Variants in LRP1B observed in about 807,000 individuals in gnomAD.
LRP1B encodes the protein low-density lipoprotein receptor-related protein 1B.
LRP1B carries 217 observed loss-of-function variants against 556.6 expected under a neutral mutation model. The ratio of observed to expected loss-of-function variants is 0.39; its 90% confidence interval spans 0.35 to 0.44. The LOEUF (loss-of-function observed/expected upper bound fraction) is 0.44. LRP1B is among the 20% of genes least tolerant of loss of function. The pLI, the probability that LRP1B is intolerant of heterozygous loss-of-function variation, is 1.00. For synonymous variants in LRP1B, 2,047 were observed against 1,865.8 expected (o/e 1.10, Z -2.50); for missense variants, 5,053 against 5,620.8 (o/e 0.90, Z 3.23).
rs555665147 is a variant in LRP1B at position 141,872,117 on chromosome 2, C to A, written c.83-61716G>T. Among the ~76,000 whole-genome samples the A allele has an allele frequency of 1.1e-4, 16 of 151,866 alleles. No individual in the cohort carries two copies. The South Asian group carries it at 3.3e-3, about 32-fold the overall frequency. Reference sequence around the variant, plus strand: ...CCTAAAGAGAGAGCTTGGAAGGACACAAGACTAGAAGTCTTGAGGCATTCC... The same window carrying A: ...CCTAAAGAGAGAGCTTGGAAGGACAAAAGACTAGAAGTCTTGAGGCATTCC... On this transcript the variant is annotated intron_variant, in intron 1 of 90. Coordinates refer to ENST00000389484, the MANE Select transcript of LRP1B (RefSeq NM_018557.3).
chr2:140,639,965 C>T (rs1403953059), intron 41 of LRP1B, among the ~76,000 whole-genome samples: 1 of 152,064 alleles, frequency 6.6e-6, no homozygotes, highest in African/African-American at 2.4e-5. Flanking sequence ...TTCCTTAAAC[C>T]CTAGAGTTTT....
At chr2:140,321,855 A>G (rs1394535967) in intron 82 of LRP1B, 108 bp downstream of exon 82, 1 of 1,071,696 alleles carries the variant, frequency 9.3e-7, no homozygotes, top group East Asian at 2.4e-5. Context: ...ACTGCTATCA[A>G]GGTAGCTAAA....
rs764158485 is a variant in LRP1B at position 140,541,788 on chromosome 2, T to A, written c.7378A>T (p.Thr2460Ser). The part of the protein sequence containing the change: ...PMGIIAVAND[T>S]NSCELSPCAL... ...TTCTATTATAACTTACAGCTATTGG[T>A]GTCATTGGCAACAGCTATGATTCCC... is the stretch of plus-strand genomic sequence containing the variant. Residue 2460 changes from threonine (T) to serine (S), a missense_variant, in exon 44 of 91, where the codon ACC becomes TCC. Physicochemically the swap from Thr to Ser is moderately conservative, Grantham distance 58. Transcript: ENST00000389484. 9 of 1,610,194 alleles carry A rather than the reference T, an allele frequency of 5.6e-6. No homozygotes were observed. The South Asian group carries it at 9.9e-5, about 18-fold the overall frequency.
chr2:140,378,477 T>A (rs1222204744), intron 67 of LRP1B, among the ~76,000 whole-genome samples, 191 bp from the exon 68 acceptor site: 1 of 152,208 alleles, frequency 6.6e-6, no homozygotes, highest in Non-Finnish European at 1.5e-5. Context: ...AATTTATTTT[T>A]AAAGTCATAA....
intron 2 of LRP1B, among the ~76,000 whole-genome samples, chr2:141,571,603 G>T (rs1011986362): frequency 1.3e-5 from 2 of 152,102 alleles, no homozygotes; most frequent in African/African-American, 2.4e-5. Context: ...ACAGAAGAAG[G>T]CTTCAGAATA....
chr2:140,993,168 C>T (rs1472837594), intron 16 of LRP1B, among the ~76,000 whole-genome samples: 1 of 151,394 alleles, frequency 6.6e-6, no homozygotes, highest in Non-Finnish European at 1.5e-5. Flanking sequence ...TTAGTTCAGA[C>T]CTAAAAAAGG....
At chr2:140,404,168 C>CTTTTTTT (rs68017900) in intron 66 of LRP1B, among the ~76,000 whole-genome samples, 11 of 92,446 alleles carry the variant, frequency 1.2e-4, no homozygotes, top group Non-Finnish European at 1.4e-4. Flanking sequence ...AATAGAACTT[C>CTTTTTTT]TTTTTTTTTT....
chr2:141,618,725 G>A (rs999745602), intron 2 of LRP1B, among the ~76,000 whole-genome samples: 2 of 152,134 alleles, frequency 1.3e-5, no homozygotes, highest in Admixed American at 6.5e-5. Flanking sequence ...GGTGTGTTGA[G>A]CTTACCTGAT....
chr2:140,718,380 T>G (rs141914366), intron 35 of LRP1B, among the ~76,000 whole-genome samples: 2,149 of 152,130 alleles, frequency 0.014, 24 homozygotes, highest in Middle Eastern at 0.037. Context: ...AAGCATTTTT[T>G]GTTCACTTTT....
chr2:140,622,100 AG>A (rs1683479680), intron 41 of LRP1B, among the ~76,000 whole-genome samples: 2 of 152,216 alleles, frequency 1.3e-5, no homozygotes, highest in South Asian at 4.1e-4. Flanking sequence ...TTTGGTGTAA[AG>A]CATCACTACC....
At chr2:142,008,419 T>G (rs1262513038) in intron 1 of LRP1B, among the ~76,000 whole-genome samples, 1 of 152,178 alleles carries the variant, frequency 6.6e-6, no homozygotes, top group Non-Finnish European at 1.5e-5. Flanking sequence ...CGGATTCAAA[T>G]GCAGCCTTAC....
chr2:141,415,102 C>T (rs1438383516), intron 3 of LRP1B, among the ~76,000 whole-genome samples: 1 of 152,198 alleles, frequency 6.6e-6, no homozygotes, highest in Non-Finnish European at 1.5e-5. Context: ...GCAAACTCCG[C>T]CTCCCGGGTT....
chr2:141,152,268 G>A (rs775899522), intron 7 of LRP1B, among the ~76,000 whole-genome samples: 10 of 151,976 alleles, frequency 6.6e-5, no homozygotes, highest in African/African-American at 9.7e-5. Context: ...GAATTGTAGT[G>A]AGAATGTTTG....
intron 66 of LRP1B, among the ~76,000 whole-genome samples, chr2:140,417,146 A>T (rs1024650447): frequency 2.0e-5 from 3 of 152,238 alleles, no homozygotes; most frequent in African/African-American, 7.2e-5. Context: ...TCAAAAGAAA[A>T]ATAAAAAATG....
chr2:141,750,844 CA>C (rs1694081316), intron 2 of LRP1B, among the ~76,000 whole-genome samples: 1 of 151,888 alleles, frequency 6.6e-6, no homozygotes, highest in African/African-American at 2.4e-5. Context: ...ATTAGAAAGA[CA>C]GAATTCATGG....
At chr2:142,054,931 T>C in intron 1 of LRP1B, among the ~76,000 whole-genome samples, 1 of 152,176 alleles carries the variant, frequency 6.6e-6, no homozygotes, top group Middle Eastern at 3.2e-3. Context: ...AAACACTATG[T>C]TTCACATCAG....
rs1687154231 is a variant in LRP1B at position 140,457,587 on chromosome 2, A to G, written c.9690T>C (p.Thr3230=). 7 of 1,613,758 alleles carry G rather than the reference A, an allele frequency of 4.3e-6. No individual in the cohort carries two copies. The South Asian group carries it at 7.7e-5, about 18-fold the overall frequency. ...LTLFEDYIYW[T]DGKTKSLSRA... Reference sequence around the variant, plus strand: ...GGCTGAGTGACTTGGTTTTCCCATCAGTCCAGTAGATGTAGTCTTCAAACA... The same window carrying G: ...GGCTGAGTGACTTGGTTTTCCCATCGGTCCAGTAGATGTAGTCTTCAAACA... The change falls in exon 61 of 91, where the codon ACT becomes ACC. Residue 3230 remains threonine, a synonymous_variant. Transcript: ENST00000389484.
At chr2:141,185,053 T>C (rs1288281084) in intron 7 of LRP1B, among the ~76,000 whole-genome samples, 4 of 152,054 alleles carry the variant, frequency 2.6e-5, no homozygotes, top group Admixed American at 2.6e-4. Context: ...ATCACAAGTG[T>C]TGAAAATATT....
rs569840959 is a variant in LRP1B at position 140,325,450 on chromosome 2, G to A, written c.12340+312C>T. Among the ~76,000 whole-genome samples, 3 of 152,236 alleles carry A rather than the reference G, an allele frequency of 2.0e-5. No homozygotes were observed. The South Asian group carries it at 6.2e-4, about 32-fold the overall frequency. On this transcript the variant is annotated intron_variant, in intron 80 of 90. Transcript: ENST00000389484. ...GAAATAAAAGTTAGTGTCCACAGGT[G>A]CTGATCTTGACTACTGAAAGTGTTC...
Sources: allele counts gnomAD v4.1 joint callset (sites outside exome capture counted in the v4.1 genomes callset), GRCh38; gene constraint gnomAD v4.1.1; transcripts MANE v1.5; gene names NCBI Gene and HGNC (gene_info 2026-07-23, HGNC 2026-07-21).